The following CSMD1 variants were observed in gnomAD, a reference collection of about 807,000 sequenced individuals.
CSMD1 encodes CUB and sushi domain-containing protein 1.
A neutral mutation model predicts 417.5 loss-of-function variants in CSMD1; 213 were observed. The ratio of observed to expected loss-of-function variants is 0.51; its 90% confidence interval spans 0.46 to 0.57. CSMD1 has a LOEUF of 0.57. Among genes scored for constraint, CSMD1 ranks in the 20% least tolerant of loss-of-function variants. The pLI, the probability that CSMD1 is intolerant of heterozygous loss-of-function variation, is 0.00. For synonymous variants in CSMD1, 2,862 were observed against 1,736.8 expected, an observed-to-expected ratio of 1.65 and a Z score of -16.11; for missense variants, 6,923 against 4,529.7, an observed-to-expected ratio of 1.53 and a Z score of -15.17.
At chr8:4,222,370 TAAGAAGCTTCCATCTTATTCTGTA>T (rs1563297164) in intron 3 of CSMD1, among the ~76,000 whole-genome samples, 1 of 304 alleles carries the variant, frequency 3.3e-3, no homozygotes, top group Non-Finnish European at 6.8e-3. Context: ...GTAAACAGAA[TAAGAAGCTTCCATCTTATTCTGTA>T]AACAGAATAA....
chr8:4,074,510 A>G (rs1052431980), intron 3 of CSMD1, among the ~76,000 whole-genome samples: 7 of 152,166 alleles, frequency 4.6e-5, no homozygotes, highest in African/African-American at 1.4e-4. Context: ...GATACTTTAC[A>G]AAACATGATA....
intron 3 of CSMD1, among the ~76,000 whole-genome samples, chr8:4,158,468 C>A (rs1481353200): frequency 6.6e-6 from 1 of 152,134 alleles, no homozygotes; most frequent in South Asian, 2.1e-4. Context: ...ACTAATACAG[C>A]CGCTAGTGCA....
intron 16 of CSMD1, among the ~76,000 whole-genome samples, chr8:3,397,172 C>T (rs1049937267): frequency 9.9e-5 from 15 of 152,114 alleles, no homozygotes; most frequent in African/African-American, 3.6e-4. Context: ...GAAGAGCTAA[C>T]CCGGTTTCTG....
intron 7 of CSMD1, chr8:3,702,040 T>G (rs1415304754): frequency 6.6e-6 from 1 of 152,048 alleles, no homozygotes; most frequent in Non-Finnish European, 1.5e-5. Context: ...AGCAAGGAAG[T>G]GAACGTTTAT....
chr8:3,420,264 A>T (rs1016373261), intron 12 of CSMD1, among the ~76,000 whole-genome samples: 2 of 152,048 alleles, frequency 1.3e-5, no homozygotes, highest in African/African-American at 2.4e-5. Context: ...GATAAATACA[A>T]CCTGAGGAAT....
chr8:4,542,052 C>T (rs894806294), intron 2 of CSMD1, among the ~76,000 whole-genome samples: 5 of 152,042 alleles, frequency 3.3e-5, no homozygotes, highest in African/African-American at 4.8e-5. Context: ...CTGAAGTCCC[C>T]GTGTGCAATG....
intron 5 of CSMD1, among the ~76,000 whole-genome samples, chr8:3,794,197 T>C (rs1799911835): frequency 6.6e-6 from 1 of 152,104 alleles, no homozygotes; most frequent in Non-Finnish European, 1.5e-5. Flanking sequence ...GAAGCACTGG[T>C]TTAAGGGGAG....
At chr8:3,609,587 C>G (rs1302534415) in intron 8 of CSMD1, among the ~76,000 whole-genome samples, 1 of 151,972 alleles carries the variant, frequency 6.6e-6, no homozygotes, top group Non-Finnish European at 1.5e-5. Flanking sequence ...GAATATTTTA[C>G]CAGCCTAAAA....
chr8:3,055,502 C>G (rs2199278), intron 49 of CSMD1, among the ~76,000 whole-genome samples: 17,263 of 152,202 alleles, frequency 0.11, 1,261 homozygotes, highest in East Asian at 0.36. Context: ...GGGATGAAGA[C>G]AGTTTCCTGC....
intron 3 of CSMD1, among the ~76,000 whole-genome samples, chr8:4,389,604 T>A (rs1803708461): frequency 6.6e-6 from 1 of 152,142 alleles, no homozygotes; most frequent in Non-Finnish European, 1.5e-5. Flanking sequence ...TCAAGTGAAG[T>A]CAAACTTCTC....
intron 1 of CSMD1, among the ~76,000 whole-genome samples, chr8:4,992,291 G>A (rs914145206): frequency 6.6e-6 from 1 of 152,236 alleles, no homozygotes; most frequent in Middle Eastern, 3.4e-3. Context: ...GAATCCGCCC[G>A]GCACACACGT....
At chr8:3,066,488 T>C (rs1263338367) in intron 49 of CSMD1, among the ~76,000 whole-genome samples, 2 of 152,208 alleles carry the variant, frequency 1.3e-5, no homozygotes, top group Admixed American at 1.3e-4. Flanking sequence ...GCAGGTAAAA[T>C]GAACTGACGA....
At chr8:4,107,525 A>G (rs1364421303) in intron 3 of CSMD1, among the ~76,000 whole-genome samples, 2 of 152,204 alleles carry the variant, frequency 1.3e-5, no homozygotes, top group African/African-American at 4.8e-5. Flanking sequence ...GCACTAATTG[A>G]TATCTGGGCT....
intron 6 of CSMD1, among the ~76,000 whole-genome samples, chr8:3,750,332 C>A (rs1797272728): frequency 6.7e-6 from 1 of 149,306 alleles, no homozygotes; most frequent in Non-Finnish European, 1.5e-5. Context: ...ATATATATAT[C>A]TTATATATAT....
Position 4,240,235 on chromosome 8 carries a change from A to C in CSMD1, c.415+179718T>G, listed in dbSNP as rs914006668. Reference sequence around the variant, plus strand: ...CCGGCTGCAGAGCGTAGCTTGTGCTAACCTGTTTCATGAGGGGCTGGCAGC... The same window carrying C: ...CCGGCTGCAGAGCGTAGCTTGTGCTCACCTGTTTCATGAGGGGCTGGCAGC... On this transcript the variant is annotated intron_variant, in intron 3 of 69. Coordinates refer to ENST00000635120, the MANE Select transcript of CSMD1 (RefSeq NM_033225.6). Among the ~76,000 whole-genome samples, 5 of 152,224 alleles carry C rather than the reference A, an allele frequency of 3.3e-5. 1 individual carries two copies. The highest frequency in any genetic ancestry group is 1.9e-4 in the East Asian group (1 of 5,194).
intron 39 of CSMD1, among the ~76,000 whole-genome samples, chr8:3,152,141 C>T (rs1322377189): frequency 6.6e-6 from 1 of 152,184 alleles, no homozygotes; most frequent in African/African-American, 2.4e-5. Flanking sequence ...TAACTGCAAC[C>T]ACTTTCTCCC....
rs76802434 is a variant in CSMD1, at chr8:3,420,423, GAA to G, written c.1562-10820_1562-10819del. ...TCCTGGGACAGGAAGAGGACACTAG[GAA>G]AAAAAAAAAAAAGCCATGGAAATCT... On this transcript the variant is annotated intron_variant, in intron 12 of 69. Transcript: ENST00000635120. 7.2e-5 allele frequency among the ~76,000 whole-genome samples: 8 copies of G among 110,880 alleles called. No homozygotes were observed. The East Asian group carries it at 1.8e-3, about 25-fold the overall frequency. The allele number at this position is 110,880 out of a possible 152,430, so 72.7% of individuals were successfully genotyped here. A position where few individuals can be genotyped will look rare whatever the true frequency, so the allele number is the denominator to read the frequency against.
At chr8:3,976,018 A>G (rs556793373) in intron 5 of CSMD1, among the ~76,000 whole-genome samples, 134 of 152,264 alleles carry the variant, frequency 8.8e-4, no homozygotes, top group Non-Finnish European at 7.2e-4. Context: ...GATCCTGAAA[A>G]GATCAATATA....
chr8:3,790,071 A>G (rs1220322938), intron 5 of CSMD1, among the ~76,000 whole-genome samples: 3 of 152,192 alleles, frequency 2.0e-5, no homozygotes, highest in African/African-American at 7.2e-5. Flanking sequence ...GAGAATGTCA[A>G]TGAAGGTCCA....
Sources: gnomAD v4.1 joint callset for allele counts (sites outside exome capture counted in the v4.1 genomes callset) on GRCh38, gnomAD v4.1.1 for gene constraint, MANE v1.5 for transcripts, NCBI Gene and HGNC (gene_info 2026-07-23, HGNC 2026-07-21) for gene names.